SPON1: variants seen among roughly 807,000 people sequenced by gnomAD.
SPON1 encodes spondin 1.
SPON1 carries 52 observed loss-of-function variants against 111.7 expected under a neutral mutation model. The ratio of observed to expected loss-of-function variants is 0.47; its 90% CI spans 0.37 to 0.59. The LOEUF (loss-of-function observed/expected upper bound fraction) is 0.59, where lower values mean the gene tolerates loss of function less well. Among genes scored for constraint, SPON1 ranks in the 20% least tolerant of loss-of-function variants. The pLI is 0.00. For missense variants in SPON1, 957 were observed against 1,068.5 expected, an observed-to-expected ratio of 0.90 and a Z score of 1.46; for synonymous variants, 410 against 395.8, an observed-to-expected ratio of 1.04 and a Z score of -0.43.
chr11:14,052,826 A>G lies in SPON1; in HGVS notation c.479+11172A>G, dbSNP rs544402462. ...CCAGGGGAGAAAACTGGAAAGAATT[A>G]AATAGGAAGTACAGGCTGCCGAGGA... On this transcript the variant is annotated intron_variant, in intron 3 of 15. Coordinates refer to ENST00000576479, the MANE Select transcript of SPON1 (RefSeq NM_006108.4). Among the ~76,000 whole-genome samples the G allele has an allele frequency of 3.9e-5, 6 of 152,342 alleles. No individual in the cohort carries two copies. The South Asian group carries it at 1.2e-3, about 32-fold the overall frequency.
At chr11:14,151,507 A>G (rs1847787872) in intron 6 of SPON1, among the ~76,000 whole-genome samples, 1 of 152,178 alleles carries the variant, frequency 6.6e-6, no homozygotes, top group African/African-American at 2.4e-5. Flanking sequence ...ATAATTGTCA[A>G]CATCTACTGT....
At chr11:14,209,278 A>G (rs1310929701) in intron 6 of SPON1, among the ~76,000 whole-genome samples, 3 of 152,198 alleles carry the variant, frequency 2.0e-5, no homozygotes, top group South Asian at 4.1e-4. Flanking sequence ...TTTTTTTATT[A>G]TACTTTAAGT....
chr11:14,063,668 A>G (rs952835886), intron 3 of SPON1, among the ~76,000 whole-genome samples: 1 of 152,232 alleles, frequency 6.6e-6, no homozygotes, highest in Non-Finnish European at 1.5e-5. Context: ...AAGAAGAAAC[A>G]TGGGGCAACT....
At chr11:14,067,296 A>ATC (rs1554920451) in intron 3 of SPON1, among the ~76,000 whole-genome samples, 2 of 152,146 alleles carry the variant, frequency 1.3e-5, no homozygotes, top group Non-Finnish European at 2.9e-5. Flanking sequence ...CCCTCCCTAT[A>ATC]TCCCACCATG....
chr11:14,257,948 G>A, intron 11 of SPON1, 50 bp downstream of exon 11: 1 of 1,469,762 alleles, frequency 6.8e-7, no homozygotes, highest in Non-Finnish European at 9.0e-7. Flanking sequence ...TTCAGGAAGG[G>A]AGGGTCTGCC....
At chr11:14,069,787 A>G (rs1350693341) in intron 3 of SPON1, among the ~76,000 whole-genome samples, 1 of 151,558 alleles carries the variant, frequency 6.6e-6, no homozygotes, top group Non-Finnish European at 1.5e-5. Flanking sequence ...CTCTGAATCT[A>G]TAGCTTTGTG....
At chr11:14,238,880 C>A (rs528030428) in intron 6 of SPON1, among the ~76,000 whole-genome samples, 1 of 152,300 alleles carries the variant, frequency 6.6e-6, no homozygotes, top group South Asian at 2.1e-4. Context: ...TCCAAATGAA[C>A]CATGAACGAT....
intron 2 of SPON1, among the ~76,000 whole-genome samples, chr11:14,008,282 G>A (rs1171871934): frequency 6.6e-6 from 1 of 152,170 alleles, no homozygotes; most frequent in Non-Finnish European, 1.5e-5. Flanking sequence ...TTCACAGGAT[G>A]ATGCTGGAAC....
chr11:14,004,298 A>G (rs1156634717), intron 2 of SPON1, among the ~76,000 whole-genome samples: 2 of 152,230 alleles, frequency 1.3e-5, no homozygotes, highest in Non-Finnish European at 2.9e-5. Flanking sequence ...TGCAATGAAC[A>G]TGGGTCCACA....
intron 2 of SPON1, among the ~76,000 whole-genome samples, chr11:14,014,551 A>C (rs1848431057): frequency 6.6e-6 from 1 of 152,184 alleles, no homozygotes; most frequent in Admixed American, 6.5e-5. Flanking sequence ...GGGAGGAGAA[A>C]GGTCTGGTGC....
chr11:14,055,666 C>T (rs782628097), intron 3 of SPON1, among the ~76,000 whole-genome samples: 7 of 152,178 alleles, frequency 4.6e-5, no homozygotes, highest in Admixed American at 6.5e-5. Context: ...GGATCTGTTC[C>T]GTGGGCAGCT....
At chr11:14,177,506 C>T (rs1848191341) in intron 6 of SPON1, among the ~76,000 whole-genome samples, 2 of 152,102 alleles carry the variant, frequency 1.3e-5, no homozygotes, top group Non-Finnish European at 2.9e-5. Flanking sequence ...TGGGTGGGGC[C>T]AGCTGGTCCA....
intron 6 of SPON1, among the ~76,000 whole-genome samples, chr11:14,208,031 G>T (rs1310307857): frequency 6.6e-6 from 1 of 152,192 alleles, no homozygotes; most frequent in South Asian, 2.1e-4. Context: ...CCATAAAAAA[G>T]AATGAGATCA....
intron 2 of SPON1, among the ~76,000 whole-genome samples, chr11:14,007,977 A>C (rs1194477437): frequency 1.3e-5 from 2 of 152,164 alleles, no homozygotes; most frequent in Non-Finnish European, 2.9e-5. Context: ...TAGAATAAAC[A>C]TCTCCTCTCA....
chr11:14,089,351 G>A (rs191922639), intron 5 of SPON1, among the ~76,000 whole-genome samples: 1 of 152,200 alleles, frequency 6.6e-6, no homozygotes, highest in Non-Finnish European at 1.5e-5. Flanking sequence ...TGATGTTATT[G>A]CTTCCTGTTT....
chr11:14,114,062 A>G (rs1342718950), intron 5 of SPON1, among the ~76,000 whole-genome samples: 1 of 152,170 alleles, frequency 6.6e-6, no homozygotes, highest in Non-Finnish European at 1.5e-5. Flanking sequence ...AAACAATCCA[A>G]TTACACTTTT....
At chr11:14,183,750 T>C (rs2133888442) in intron 6 of SPON1, among the ~76,000 whole-genome samples, 1 of 151,072 alleles carries the variant, frequency 6.6e-6, no homozygotes, top group East Asian at 2.0e-4. Flanking sequence ...AGCTGGCAGG[T>C]TATGGAGTTG....
chr11:14,110,137 A>G (rs1554925313), intron 5 of SPON1, among the ~76,000 whole-genome samples: 1 of 152,162 alleles, frequency 6.6e-6, no homozygotes, highest in African/African-American at 2.4e-5. Flanking sequence ...AAGAAGACTA[A>G]AGCCTTCTAA....
chr11:14,155,411 C>T (rs564644684), intron 6 of SPON1, among the ~76,000 whole-genome samples: 2 of 152,122 alleles, frequency 1.3e-5, no homozygotes, highest in Non-Finnish European at 2.9e-5. Flanking sequence ...ATCATGGCGG[C>T]AGGTGAAGGG....
Sources: gnomAD v4.1 joint callset for allele counts (sites outside exome capture counted in the v4.1 genomes callset) on GRCh38, gnomAD v4.1.1 for gene constraint, MANE v1.5 for transcripts, NCBI Gene and HGNC (gene_info 2026-07-23, HGNC 2026-07-21) for gene names.